EYS: variants seen among roughly 807,000 people sequenced by gnomAD.
EYS encodes the protein protein eyes shut homolog.
In EYS, 250 loss-of-function variants were observed where a neutral mutation model predicts 282.1. That is an observed-to-expected ratio of 0.89 (90% CI 0.80 to 0.98). The LOEUF (loss-of-function observed/expected upper bound fraction) is 0.98, where lower values mean the gene tolerates loss of function less well. Among genes scored for constraint, EYS ranks in the 50% least tolerant of loss-of-function variants. EYS has a pLI of 0.00. For synonymous variants in EYS, 1,355 were observed against 1,282.9 expected (o/e 1.06, Z -1.20); for missense variants, 4,016 against 3,709.0 (o/e 1.08, Z -2.15).
intron 30 of EYS, among the ~76,000 whole-genome samples, chr6:64,299,051 T>G (rs1033230941): frequency 6.6e-6 from 1 of 152,146 alleles, no homozygotes; most frequent in African/African-American, 2.4e-5. Context: ...GACACAAACC[T>G]TCTTGGAAGG....
chr6:65,350,296 C>T (rs1770549701), intron 9 of EYS, among the ~76,000 whole-genome samples: 1 of 151,256 alleles, frequency 6.6e-6, no homozygotes, highest in Non-Finnish European at 1.5e-5. Flanking sequence ...TACAGCATTT[C>T]CTATTTTCAC....
intron 26 of EYS, among the ~76,000 whole-genome samples, chr6:64,548,833 A>G (rs527372690): frequency 1.3e-5 from 2 of 152,342 alleles, no homozygotes; most frequent in South Asian, 2.1e-4. Flanking sequence ...TATAATAAAA[A>G]AAAAAGAAAG....
chr6:64,435,369 A>G (rs1156695442), intron 28 of EYS, among the ~76,000 whole-genome samples: 1 of 151,508 alleles, frequency 6.6e-6, no homozygotes, highest in Non-Finnish European at 1.5e-5. Context: ...GGCCTAAGGA[A>G]GATAGAACTT....
At position 65,077,741 on chromosome 6, in the gene EYS, C is replaced by T. The variant is rs1035053848; in HGVS notation, c.2024-20014G>A. On this transcript the variant is annotated intron_variant, in intron 12 of 42. Coordinates refer to ENST00000503581, the MANE Select transcript of EYS (RefSeq NM_001142800.2). ...AGAATTTCTTATAAACACATTTTAC[C>T]AAAAGTCAAAAAATCATGGCAATTA... is the stretch of plus-strand genomic sequence containing the variant. Among the ~76,000 whole-genome samples the T allele has an allele frequency of 6.6e-5, 10 of 151,776 alleles. No individual in the cohort carries two copies. In the South Asian group the frequency reaches 8.3e-4, roughly 13 times the overall value.
chr6:65,302,185 G>C (rs1195541497), intron 11 of EYS, among the ~76,000 whole-genome samples: 1 of 152,174 alleles, frequency 6.6e-6, no homozygotes, highest in Non-Finnish European at 1.5e-5. Context: ...TCTCCCAGTA[G>C]TTGGGAGATG....
intron 5 of EYS, among the ~76,000 whole-genome samples, chr6:65,435,432 A>T (rs1768038165): frequency 1.0e-5 from 1 of 100,256 alleles, no homozygotes. Flanking sequence ...TTAACAATAG[A>T]TGTCTTTTTA....
At chr6:64,581,810 T>A (rs941585907) in intron 26 of EYS, among the ~76,000 whole-genome samples, 1 of 152,072 alleles carries the variant, frequency 6.6e-6, no homozygotes, top group African/African-American at 2.4e-5. Context: ...ATCTAAGGGC[T>A]TCACGAAGGG....
intron 22 of EYS, among the ~76,000 whole-genome samples, chr6:64,775,101 A>T (rs1216188057): frequency 6.6e-6 from 1 of 151,958 alleles, no homozygotes; most frequent in East Asian, 1.9e-4. Context: ...AAACAGCAGG[A>T]GGGGGTAACT....
intron 26 of EYS, among the ~76,000 whole-genome samples, chr6:64,544,465 G>A (rs1445609564): frequency 6.6e-6 from 1 of 152,116 alleles, no homozygotes; most frequent in Non-Finnish European, 1.5e-5. Context: ...GAGAGAGAAA[G>A]GAAAATTGTG....
chr6:64,836,857 G>A (rs1765397981), intron 19 of EYS, among the ~76,000 whole-genome samples: 1 of 151,452 alleles, frequency 6.6e-6, no homozygotes, highest in African/African-American at 2.4e-5. Context: ...ATGTGCCTAG[G>A]AAGATGATTA....
At chr6:64,321,474 C>G (rs572999025) in intron 29 of EYS, among the ~76,000 whole-genome samples, 1 of 151,460 alleles carries the variant, frequency 6.6e-6, no homozygotes, top group Admixed American at 6.6e-5. Context: ...AGCTAAAAGT[C>G]GAAAGAATGT....
chr6:64,019,135 G>A (rs569976733), intron 33 of EYS, among the ~76,000 whole-genome samples: 7 of 152,126 alleles, frequency 4.6e-5, no homozygotes, highest in East Asian at 1.9e-4. Flanking sequence ...CAGGGGAAAC[G>A]GTAATGTGAA....
intron 19 of EYS, among the ~76,000 whole-genome samples, chr6:64,871,831 A>G (rs978462823): frequency 6.6e-6 from 1 of 152,062 alleles, no homozygotes; most frequent in Non-Finnish European, 1.5e-5. Context: ...TAAATCTCAG[A>G]TGTTTAAAGG....
intron 1 of EYS, among the ~76,000 whole-genome samples, chr6:65,673,558 C>G (rs1185243228): frequency 1.3e-5 from 2 of 152,014 alleles, no homozygotes; most frequent in Non-Finnish European, 2.9e-5. Context: ...GGGCTCTATC[C>G]TTGTCAGAGT....
At chr6:63,904,636 CCT>C (rs1188343136) in intron 35 of EYS, among the ~76,000 whole-genome samples, 2 of 152,292 alleles carry the variant, frequency 1.3e-5, no homozygotes, top group East Asian at 3.9e-4. Context: ...ATGGGACTCT[CCT>C]CTCTGCAGTT....
chr6:65,237,520 C>T (rs1478156547), intron 12 of EYS, among the ~76,000 whole-genome samples: 1 of 152,012 alleles, frequency 6.6e-6, no homozygotes, highest in East Asian at 1.9e-4. Flanking sequence ...GTAGGAAAAA[C>T]TGAAAATAAA....
intron 5 of EYS, among the ~76,000 whole-genome samples, chr6:65,436,772 AT>A (rs1768089173): frequency 6.6e-6 from 1 of 152,030 alleles, no homozygotes; most frequent in African/African-American, 2.4e-5. Flanking sequence ...ATGTATGAAG[AT>A]AATTATAAAT....
At chr6:65,183,014 C>T (rs1284139125) in intron 12 of EYS, among the ~76,000 whole-genome samples, 1 of 151,930 alleles carries the variant, frequency 6.6e-6, no homozygotes, top group African/African-American at 2.4e-5. Flanking sequence ...TGGTCTCAAA[C>T]TCCTGAGCTC....
At chr6:64,806,930 A>T (rs1044426094) in intron 22 of EYS, among the ~76,000 whole-genome samples, 8 of 152,146 alleles carry the variant, frequency 5.3e-5, no homozygotes, top group Non-Finnish European at 8.8e-5. Flanking sequence ...ACAGATTAAA[A>T]AAGTTATGTA....
Sources: gnomAD v4.1 joint callset for allele counts (sites outside exome capture counted in the v4.1 genomes callset) on GRCh38, gnomAD v4.1.1 for gene constraint, MANE v1.5 for transcripts, NCBI Gene and HGNC (gene_info 2026-07-23, HGNC 2026-07-21) for gene names.